SLC4A7: variants seen among roughly 807,000 people sequenced by gnomAD.
The protein encoded by SLC4A7 is sodium bicarbonate cotransporter 3.
In SLC4A7, 51 loss-of-function variants were observed where a neutral mutation model predicts 137.6. That is an observed-to-expected ratio of 0.37 (90% CI 0.30 to 0.47). The LOEUF is 0.47. Among genes scored for constraint, SLC4A7 ranks in the 20% least tolerant of loss-of-function variants. The pLI, the probability that SLC4A7 is intolerant of heterozygous loss-of-function variation, is 1.00. For synonymous variants in SLC4A7, 542 were observed against 518.6 expected (o/e 1.05, Z -0.61); for missense variants, 1,247 against 1,525.4 (o/e 0.82, Z 3.04).
chr3:27,394,312 C>A (rs2051912812), intron 20 of SLC4A7, among the ~76,000 whole-genome samples: 1 of 149,866 alleles, frequency 6.7e-6, no homozygotes, highest in African/African-American at 2.5e-5. Flanking sequence ...AGCCACTACA[C>A]CTGGTATACA....
Position 27,390,070 on chromosome 3 carries a change from G to C in SLC4A7, c.3221C>G (p.Ala1074Gly), listed in dbSNP as rs774641287. ...FDRIKLFGMP[A>G]KHQPDLIYLR... ...GTATATCAAATCAGGCTGATGCTTA[G>C]CAGGCATTCCAAATAATTTTATACG... is the stretch of plus-strand genomic sequence containing the variant. The change falls in exon 22 of 26, where the codon GCT (alanine) becomes GGT (glycine). Residue 1074 changes from alanine to glycine, a missense_variant. Ala to Gly is a moderately conservative substitution (Grantham distance 60). Around this residue, in one of 6 missense-constraint regions of SLC4A7, gnomAD observed 290 missense variants for 323.8 expected, o/e 0.90. Transcript: ENST00000454389. 2 of 1,608,380 alleles carry C rather than the reference G, an allele frequency of 1.2e-6. No individual in the cohort carries two copies. The highest frequency in any genetic ancestry group is 4.5e-5 in the East Asian group (2 of 44,748).
At chr3:27,402,315 A>C (rs560202669) in intron 15 of SLC4A7, among the ~76,000 whole-genome samples, 1 of 152,194 alleles carries the variant, frequency 6.6e-6, no homozygotes, top group Non-Finnish European at 1.5e-5. Context: ...ATCCTACTTT[A>C]TTCTAGAATT....
chr3:27,444,130 T>G (rs1006167337), intron 3 of SLC4A7, among the ~76,000 whole-genome samples: 2 of 152,184 alleles, frequency 1.3e-5, no homozygotes, highest in African/African-American at 4.8e-5. Flanking sequence ...TTATCAATAT[T>G]CTGTTTATTT....
chr3:27,430,145 GCTGCAGTGAGCTATGATTGTGGCA>G (rs528837171), intron 7 of SLC4A7, among the ~76,000 whole-genome samples: 19 of 152,078 alleles, frequency 1.2e-4, no homozygotes, highest in South Asian at 8.3e-4. Flanking sequence ...GGAGTTCAAG[GCTGCAGTGAGCTATGATTGTGGCA>G]CTGCAGTGAG....
intron 3 of SLC4A7, among the ~76,000 whole-genome samples, chr3:27,445,407 A>G (rs960704366): frequency 8.5e-5 from 13 of 152,102 alleles, no homozygotes; most frequent in African/African-American, 1.4e-4. Context: ...TCTCTGGGCA[A>G]TAAGTTCAGG....
chr3:27,383,433 T>C (rs906263996), intron 23 of SLC4A7, among the ~76,000 whole-genome samples, 183 bp from the exon 24 acceptor site: 1 of 152,218 alleles, frequency 6.6e-6, no homozygotes, highest in African/African-American at 2.4e-5. Flanking sequence ...CAACCACTTG[T>C]AAAACATGAC....
At chr3:27,377,371 T>C (rs35797268) in intron 25 of SLC4A7, among the ~76,000 whole-genome samples, 27,983 of 152,208 alleles carry the variant, frequency 0.18, 3,016 homozygotes, top group Non-Finnish European at 0.25. Flanking sequence ...TCTACATATA[T>C]ATAGAACAAA....
intron 3 of SLC4A7, among the ~76,000 whole-genome samples, chr3:27,445,106 G>T (rs2057486877): frequency 6.6e-6 from 1 of 152,180 alleles, no homozygotes; most frequent in Non-Finnish European, 1.5e-5. Flanking sequence ...TGAAGGGAAC[G>T]CAAACTATTC....
rs764748789 is a variant in SLC4A7 at position 27,394,984 on chromosome 3, T to A, written c.2835A>T (p.Val945=). The A allele has an allele frequency of 1.3e-6, 2 of 1,599,870 alleles. No individual in the cohort carries two copies. Among genetic ancestry groups the A allele is most frequent in the African/African-American group, 2.7e-5 (2 of 74,086 alleles). ...LIFMDQQITA[V]IINRKEHKLK... ...ATTTGTGTTCCTTTCTGTTTATAAT[T>A]ACAGCTGTGATTTGTTGATCCATAA... is the stretch of plus-strand genomic sequence containing the variant. Residue 945 remains valine (V), a synonymous_variant, in exon 19 of 26, where the codon GTA becomes GTT. Coordinates refer to ENST00000454389, the MANE Select transcript of SLC4A7 (RefSeq NM_001321103.2).
In SLC4A7 at chr3:27,398,347, T is replaced by C. The variant is rs778021507; in HGVS notation, c.2434A>G (p.Lys812Glu). 2 of 1,590,536 alleles carry C rather than the reference T, an allele frequency of 1.3e-6. No homozygotes were observed. The highest frequency in any genetic ancestry group is 1.7e-6 in the Non-Finnish European group (2 of 1,171,586). ...SWRNLTVSECKKLRGVFLGSA... is the reference protein window; with the variant it reads ...SWRNLTVSECEKLRGVFLGSA... ...CCCAAGAATACACCACGAAGTTTTT[T>C]ACATTCCTGGAAAAAAGGAGAAAGA... The change falls in exon 17 of 26, where the codon AAA (lysine) becomes GAA (glutamate). Residue 812 changes from lysine (K) to glutamate (E), a missense_variant. By Grantham distance (56) the Lys-to-Glu change is moderately conservative. This residue lies in a region of SLC4A7 where 499 missense variants were observed against 664.2 expected (regional missense o/e 0.75). Coordinates refer to ENST00000454389, the MANE Select transcript of SLC4A7 (RefSeq NM_001321103.2).
intron 6 of SLC4A7, among the ~76,000 whole-genome samples, chr3:27,432,164 C>A (rs1416345000): frequency 1.3e-5 from 2 of 152,038 alleles, no homozygotes; most frequent in African/African-American, 4.8e-5. Flanking sequence ...TAATTTCTAA[C>A]TTAAAACTGG....
intron 11 of SLC4A7, among the ~76,000 whole-genome samples, chr3:27,414,768 A>C (rs138144425): frequency 6.6e-6 from 1 of 152,170 alleles, no homozygotes; most frequent in Non-Finnish European, 1.5e-5. Flanking sequence ...GTGTTCTGTT[A>C]ACTCCTCTGA....
chr3:27,382,527 C>G (rs1283381247), intron 24 of SLC4A7, among the ~76,000 whole-genome samples: 1 of 152,090 alleles, frequency 6.6e-6, no homozygotes, highest in East Asian at 1.9e-4. Context: ...TCTGCATTTC[C>G]CAACCTCTAT....
intron 3 of SLC4A7, among the ~76,000 whole-genome samples, chr3:27,444,554 C>A (rs2057449491): frequency 6.6e-6 from 1 of 152,176 alleles, no homozygotes; most frequent in Admixed American, 6.5e-5. Context: ...TTGAAAACCG[C>A]TGATTACTTT....
intron 1 of SLC4A7, among the ~76,000 whole-genome samples, chr3:27,475,131 C>T (rs2059412644): frequency 1.3e-5 from 2 of 151,826 alleles, no homozygotes; most frequent in South Asian, 4.2e-4. Context: ...AGTATCAAAT[C>T]CCTGCCCACA....
At chr3:27,453,234 T>G (rs907257604) in intron 1 of SLC4A7, among the ~76,000 whole-genome samples, 7 of 152,220 alleles carry the variant, frequency 4.6e-5, no homozygotes, top group Admixed American at 3.3e-4. Context: ...AAAAGGACAT[T>G]CTAATCATCA....
chr3:27,453,864 T>C (rs2058242887), intron 1 of SLC4A7, among the ~76,000 whole-genome samples: 1 of 152,238 alleles, frequency 6.6e-6, no homozygotes, highest in Non-Finnish European at 1.5e-5. Flanking sequence ...AAATCAAATA[T>C]ATTTGGATAT....
chr3:27,439,972 C>T (rs2150431923), intron 3 of SLC4A7, among the ~76,000 whole-genome samples: 1 of 152,204 alleles, frequency 6.6e-6, no homozygotes, highest in African/African-American at 2.4e-5. Flanking sequence ...TACTTTGAAC[C>T]TATTTAGATA....
At chr3:27,442,872 G>A (rs1395313378) in intron 3 of SLC4A7, among the ~76,000 whole-genome samples, 1 of 151,826 alleles carries the variant, frequency 6.6e-6, no homozygotes, top group Non-Finnish European at 1.5e-5. Context: ...GGAACAGCAG[G>A]GGCCAGGCTG....
Sources: gnomAD v4.1 joint callset for allele counts (sites outside exome capture counted in the v4.1 genomes callset) on GRCh38, gnomAD v4.1.1 for gene constraint, gnomAD v4.1.1 regional missense constraint, MANE v1.5 for transcripts, NCBI Gene and HGNC (gene_info 2026-07-23, HGNC 2026-07-21) for gene names.